The following RBFOX1 variants were observed in gnomAD, a reference collection of about 807,000 sequenced individuals.
RBFOX1 encodes RNA binding fox-1 homolog 1.
RBFOX1 carries 8 observed loss-of-function variants against 57.7 expected under a neutral mutation model. The observed-to-expected ratio is 0.14, with a 90% CI of 0.08 to 0.25. The LOEUF (loss-of-function observed/expected upper bound fraction) is 0.25, where lower values mean the gene tolerates loss of function less well. RBFOX1 is among the 10% of genes least tolerant of loss of function. RBFOX1 has a pLI of 1.00. For synonymous variants in RBFOX1, 326 were observed against 222.4 expected (o/e 1.47, Z -4.15); for missense variants, 611 against 548.5 (o/e 1.11, Z -1.14).
At chr16:5,656,026 G>A (rs748214649) in intron 3 of RBFOX1, among the ~76,000 whole-genome samples, 7 of 152,138 alleles carry the variant, frequency 4.6e-5, no homozygotes, top group Non-Finnish European at 5.9e-5. Flanking sequence ...GTACGTGCTC[G>A]TTAAAAGCTT....
At chr16:5,457,812 C>A (rs1054419689) in intron 1 of RBFOX1, among the ~76,000 whole-genome samples, 1 of 152,212 alleles carries the variant, frequency 6.6e-6, no homozygotes, top group African/African-American at 2.4e-5. Context: ...TTTCTTTCCA[C>A]TGAACCATGA....
At chr16:6,988,742 TGTTTGTTTG>T (rs1347071189) in intron 3 of RBFOX1, among the ~76,000 whole-genome samples, 72 of 122,968 alleles carry the variant, frequency 5.9e-4, no homozygotes, top group East Asian at 1.2e-3. Context: ...TTTTTTTTTT[TGTTTGTTTG>T]TTTTTTGTTT....
At position 7,506,579 on chromosome 16, in the gene RBFOX1, TTCATCA is replaced by T. The variant is rs796170479; in HGVS notation, c.28-11546_28-11541del. ...CACCATCACCATTATTACCATCACCTTCATCATCATCATCATCATCATCATCACCAC... is the reference window on the plus strand; with the variant it reads ...CACCATCACCATTATTACCATCACCTTCATCATCATCATCATCATCACCAC... On this transcript the variant is annotated intron_variant, in intron 4 of 15. Transcript: ENST00000550418. Among the ~76,000 whole-genome samples the T allele has an allele frequency of 6.8e-5, 10 of 146,228 alleles. No individual in the cohort carries two copies. In the South Asian group the frequency reaches 8.4e-4, roughly 12 times the overall value.
intron 2 of RBFOX1, among the ~76,000 whole-genome samples, chr16:6,630,882 A>T (rs1034876048): frequency 6.6e-6 from 1 of 152,184 alleles, no homozygotes; most frequent in African/African-American, 2.4e-5. Context: ...CATTTGGCCA[A>T]ACAGCTATGA....
At chr16:5,960,151 A>G (rs1276364963) in intron 4 of RBFOX1, among the ~76,000 whole-genome samples, 3 of 152,212 alleles carry the variant, frequency 2.0e-5, no homozygotes, top group African/African-American at 7.2e-5. Context: ...CAGTGAGCCA[A>G]GATCGTGCCA....
intron 1 of RBFOX1, among the ~76,000 whole-genome samples, chr16:5,345,199 C>G (rs1374709973): frequency 6.6e-6 from 1 of 152,180 alleles, no homozygotes; most frequent in Non-Finnish European, 1.5e-5. Flanking sequence ...GGAAGCCAGT[C>G]CCTTTCTTTA....
chr16:6,064,535 C>CT (rs1168667814), intron 1 of RBFOX1, among the ~76,000 whole-genome samples: 1 of 151,822 alleles, frequency 6.6e-6, no homozygotes, highest in Non-Finnish European at 1.5e-5. Context: ...ATACAATTTT[C>CT]TTTTTTTTAT....
intron 4 of RBFOX1, among the ~76,000 whole-genome samples, chr16:7,264,266 A>C (rs532093437): frequency 6.6e-6 from 1 of 152,238 alleles, no homozygotes; most frequent in Non-Finnish European, 1.5e-5. Context: ...AGAAGAAAAA[A>C]CAAAATTGGT....
At chr16:7,651,165 T>C (rs1175736458) in intron 11 of RBFOX1, among the ~76,000 whole-genome samples, 3 of 152,168 alleles carry the variant, frequency 2.0e-5, no homozygotes, top group Non-Finnish European at 4.4e-5. Flanking sequence ...ACCCGCATTG[T>C]GATAGAAAGA....
chr16:6,816,291 A>T (rs1241365088), intron 3 of RBFOX1, among the ~76,000 whole-genome samples: 1 of 152,218 alleles, frequency 6.6e-6, no homozygotes, highest in Non-Finnish European at 1.5e-5. Context: ...CTTGAGCCAC[A>T]GGGTAAGACC....
intron 4 of RBFOX1, among the ~76,000 whole-genome samples, chr16:7,097,729 T>C (rs1295562316): frequency 6.6e-6 from 1 of 152,166 alleles, no homozygotes; most frequent in Admixed American, 6.5e-5. Flanking sequence ...CCTTCACAGA[T>C]GCTGAGTCAG....
At position 6,651,128 on chromosome 16, in the gene RBFOX1, C is replaced by T. The variant is rs868558430; in HGVS notation, c.-63-3475C>T. ...TATTAGCCAGGCTGATCTCAAACAC[C>T]TGACCTCAGGTGATCCACCCGCCTC... On this transcript the variant is annotated intron_variant, in intron 2 of 15. Coordinates refer to ENST00000550418, the MANE Select transcript of RBFOX1 (RefSeq NM_018723.4). 3.9e-5 allele frequency among the ~76,000 whole-genome samples: 6 copies of T among 152,300 alleles called. No individual in the cohort carries two copies. The Middle Eastern group carries it at 0.014, about 345-fold the overall frequency.
intron 1 of RBFOX1, among the ~76,000 whole-genome samples, chr16:6,256,684 T>C (rs1485003895): frequency 6.6e-6 from 1 of 152,018 alleles, no homozygotes; most frequent in Admixed American, 6.6e-5. Flanking sequence ...CCTGTGCATT[T>C]TAGGACACTT....
At chr16:5,612,525 T>C (rs1474968098) in intron 3 of RBFOX1, among the ~76,000 whole-genome samples, 1 of 152,218 alleles carries the variant, frequency 6.6e-6, no homozygotes, top group Non-Finnish European at 1.5e-5. Context: ...CTTCACAAGG[T>C]AGATAATGGC....
chr16:5,433,886 A>T (rs1017487308), intron 1 of RBFOX1, among the ~76,000 whole-genome samples: 12 of 152,126 alleles, frequency 7.9e-5, no homozygotes, highest in African/African-American at 2.9e-4. Context: ...GAGACCGAGG[A>T]CGTTAGAGAC....
intron 1 of RBFOX1, among the ~76,000 whole-genome samples, chr16:6,175,272 G>T (rs530324605): frequency 6.6e-6 from 1 of 152,262 alleles, no homozygotes; most frequent in South Asian, 2.1e-4. Context: ...AACATTTTCC[G>T]TAATACGTCC....
In RBFOX1 at chr16:6,547,519, G is replaced by T. The variant is rs910280602; in HGVS notation, c.-63-107084G>T. On this transcript the variant is annotated intron_variant, in intron 2 of 15. Coordinates refer to ENST00000550418, the MANE Select transcript of RBFOX1 (RefSeq NM_018723.4). ...CAGACAAATTGTGGTTCTTTTTTTT[G>T]TTGTTGTTGTTATTGAGATATTCAT... 5.9e-5 allele frequency among the ~76,000 whole-genome samples: 9 copies of T among 151,802 alleles called. No individual in the cohort carries two copies. The South Asian group carries it at 1.7e-3, about 28-fold the overall frequency.
intron 3 of RBFOX1, among the ~76,000 whole-genome samples, chr16:6,755,263 C>G (rs1440268845): frequency 6.6e-6 from 1 of 152,146 alleles, no homozygotes; most frequent in African/African-American, 2.4e-5. Context: ...AGTTAGATCC[C>G]TGAGTAATCG....
At chr16:5,643,305 T>C (rs933400828) in intron 3 of RBFOX1, among the ~76,000 whole-genome samples, 1 of 152,172 alleles carries the variant, frequency 6.6e-6, no homozygotes, top group Non-Finnish European at 1.5e-5. Flanking sequence ...GATTATCGTT[T>C]TTTTAGGGTG....
Sources: gnomAD v4.1 joint callset for allele counts (sites outside exome capture counted in the v4.1 genomes callset) on GRCh38, gnomAD v4.1.1 for gene constraint, MANE v1.5 for transcripts, NCBI Gene and HGNC (gene_info 2026-07-23, HGNC 2026-07-21) for gene names.